The following TMEM72 variants were observed in gnomAD, a reference collection of about 807,000 sequenced individuals.
TMEM72 encodes the protein transmembrane protein 72.
TMEM72 carries 9 observed loss-of-function variants against 16.3 expected under a neutral mutation model. The ratio of observed to expected loss-of-function variants is 0.55; its 90% CI spans 0.33 to 0.96. TMEM72 has a LOEUF of 0.96. Among genes scored for constraint, TMEM72 ranks in the 40% least tolerant of loss-of-function variants. TMEM72 has a pLI of 0.03. For missense variants in TMEM72, 324 were observed against 337.8 expected, an observed-to-expected ratio of 0.96 and a Z score of 0.32; for synonymous variants, 160 against 146.5, an observed-to-expected ratio of 1.09 and a Z score of -0.66.
intron 2 of TMEM72, among the ~76,000 whole-genome samples, 153 bp downstream of exon 2, chr10:44,928,140 C>T (rs1288129771): frequency 6.6e-6 from 1 of 152,134 alleles, no homozygotes; most frequent in Non-Finnish European, 1.5e-5. Flanking sequence ...TCTAGAATAG[C>T]TCCTGGTTTG....
chr10:44,935,238 C>A lies in TMEM72; in HGVS notation c.*104C>A, dbSNP rs554227316. On this transcript the variant is annotated 3_prime_UTR_variant, in exon 5 of 5. Coordinates refer to ENST00000389583, the MANE Select transcript of TMEM72 (RefSeq NM_001123376.3). ...TCTGGTCAGCTTTTCAAGGGGTAAC[C>A]AGACACCCCCACACTGGCTGGGCCC... The A allele has an allele frequency of 2.7e-4, 315 of 1,159,636 alleles. No homozygotes were observed. Among genetic ancestry groups the A allele is most frequent in the Middle Eastern group, 2.7e-3 (9 of 3,322 alleles). The allele number at this position is 1,159,636 out of a possible 1,614,324, so 71.8% of individuals were successfully genotyped here.
intron 4 of TMEM72, 55 bp downstream of exon 4, chr10:44,933,831 G>C: frequency 6.5e-7 from 1 of 1,536,890 alleles, no homozygotes; most frequent in South Asian, 1.2e-5. Flanking sequence ...CTCTGAGCAG[G>C]AGGAGCTGAG....
chr10:44,917,035 C>T (rs2132712003), intron 1 of TMEM72, among the ~76,000 whole-genome samples: 1 of 152,262 alleles, frequency 6.6e-6, no homozygotes, highest in East Asian at 1.9e-4. Context: ...ATCCCCAGTC[C>T]TGAGTCCCCA....
At chr10:44,929,052 C>T (rs963834773) in intron 2 of TMEM72, among the ~76,000 whole-genome samples, 1 of 152,216 alleles carries the variant, frequency 6.6e-6, no homozygotes, top group Non-Finnish European at 1.5e-5. Context: ...GCATATTGGC[C>T]TAGTTTTACA....
At position 44,934,644 on chromosome 10, in the gene TMEM72, G is replaced by C. The variant is rs200442098; in HGVS notation, c.350-12G>C. The C allele has an allele frequency of 8.6e-4, 1,335 of 1,546,580 alleles. 5 individuals carry two copies. The highest frequency in any genetic ancestry group is 1.2e-3 in the South Asian group (94 of 81,446). On this transcript the variant is annotated splice_polypyrimidine_tract_variant and intron_variant, in intron 4 of 4. Coordinates refer to ENST00000389583, the MANE Select transcript of TMEM72 (RefSeq NM_001123376.3). Reference sequence around the variant, plus strand: ...GACTCCTCTAGAGCCCTGACCTCTGGCTCTTTTCCAGGCTCCATGCTCATC... The same window carrying C: ...GACTCCTCTAGAGCCCTGACCTCTGCCTCTTTTCCAGGCTCCATGCTCATC...
In TMEM72 at chr10:44,931,733, G is replaced by C. The variant is rs911215127; in HGVS notation, c.138-265G>C. On this transcript the variant is annotated intron_variant, in intron 2 of 4. Transcript: ENST00000389583. ...GGATGTGCCTGCCAGTGTCACACAG[G>C]GTGCCAGGTGAAGGCCATGTCACCT... 2.0e-5 allele frequency: 10 copies of C among 496,008 alleles called. 1 individual carries two copies. Among genetic ancestry groups the C allele is most frequent in the South Asian group, 1.9e-4 (7 of 37,186 alleles). The allele number at this position is 496,008 out of a possible 1,614,324, so 30.7% of individuals were successfully genotyped here.
intron 2 of TMEM72, among the ~76,000 whole-genome samples, chr10:44,931,231 G>A (rs779691737): frequency 1.3e-5 from 2 of 152,238 alleles, no homozygotes; most frequent in Non-Finnish European, 2.9e-5. Flanking sequence ...GAACATGGAG[G>A]ATAGGCAGTG....
chr10:44,915,774 C>G (rs566519669), intron 1 of TMEM72, among the ~76,000 whole-genome samples: 55 of 152,280 alleles, frequency 3.6e-4, no homozygotes, highest in African/African-American at 1.0e-3. Flanking sequence ...CACCGATATT[C>G]ATTGCAGCTA....
At chr10:44,934,605 C>T (rs779021637) in intron 4 of TMEM72, 51 bp from the exon 5 acceptor site, 6 of 1,493,496 alleles carry the variant, frequency 4.0e-6, no homozygotes, top group African/African-American at 2.8e-5. Flanking sequence ...GCAAGGACTC[C>T]GGATTTTTTC....
chr10:44,933,632 C>A lies in TMEM72; in HGVS notation c.210-5C>A. ...ATTATGCTAACCTGGACTCCCTCTCCCCAGGTGTCAACCAGGGTCCCTGGC... is the reference window on the plus strand; with the variant it reads ...ATTATGCTAACCTGGACTCCCTCTCACCAGGTGTCAACCAGGGTCCCTGGC... On this transcript the variant is annotated splice_polypyrimidine_tract_variant and splice_region_variant and intron_variant, in intron 3 of 4. Transcript: ENST00000389583. The A allele has an allele frequency of 1.2e-6, 2 of 1,612,194 alleles. No individual in the cohort carries two copies. The highest frequency in any genetic ancestry group is 1.7e-6 in the Non-Finnish European group (2 of 1,178,618).
intron 4 of TMEM72, among the ~76,000 whole-genome samples, chr10:44,934,238 C>T (rs905867684): frequency 1.3e-5 from 2 of 152,198 alleles, no homozygotes; most frequent in Admixed American, 6.5e-5. Context: ...GGGTGCATAC[C>T]ACTGGCCAGC....
chr10:44,917,143 G>A (rs746122540), intron 1 of TMEM72, among the ~76,000 whole-genome samples: 2 of 152,110 alleles, frequency 1.3e-5, no homozygotes, highest in Non-Finnish European at 2.9e-5. Flanking sequence ...GCACATCCGA[G>A]CACCAAGCAC....
At chr10:44,928,011 T>C (rs1200644741) in intron 2 of TMEM72, 24 bp downstream of exon 2, 1 of 1,612,232 alleles carries the variant, frequency 6.2e-7, no homozygotes, top group Non-Finnish European at 8.5e-7. Flanking sequence ...CATGTGCCAC[T>C]TTTGACCTGC....
rs751205286 is a variant in TMEM72 at position 44,927,932 on chromosome 10, G to A, written c.82G>A (p.Val28Met). 2.5e-5 allele frequency: 41 copies of A among 1,613,752 alleles called. No individual in the cohort carries two copies. Among genetic ancestry groups the A allele is most frequent in the South Asian group, 9.9e-5 (9 of 91,078 alleles). The change falls in exon 2 of 5, where the codon GTG becomes ATG. Residue 28 changes from valine to methionine, a missense_variant. By Grantham distance (21) the Val-to-Met change is conservative. Coordinates refer to ENST00000389583, the MANE Select transcript of TMEM72 (RefSeq NM_001123376.3). ...CTCTTGCCCCTTAGTGTTGATCGGC[G>A]TGGGCACTGAGACCTTCCTCCAGGG... ...GITTAAVLIG[V>M]GTETFLQGQF...
Position 44,935,315 on chromosome 10 carries a change from G to T in TMEM72, c.*181G>T. 1.7e-6 allele frequency: 1 copy of T among 571,622 alleles called. No homozygotes were observed. The highest frequency in any genetic ancestry group is 2.9e-6 in the Non-Finnish European group (1 of 340,794). The allele number at this position is 571,622 out of a possible 1,614,324, so 35.4% of individuals were successfully genotyped here. On this transcript the variant is annotated 3_prime_UTR_variant, in exon 5 of 5. Coordinates refer to ENST00000389583, the MANE Select transcript of TMEM72 (RefSeq NM_001123376.3). ...CCAGCATTTCTGGAGAGGCCTCGAG[G>T]GAGGCACAAACAAGGCTCACGCCAC...
In TMEM72 at chr10:44,935,243, AC is replaced by A; in HGVS notation, c.*114del. ...TCAGCTTTTCAAGGGGTAACCAGAC[AC>A]CCCCACACTGGCTGGGCCCCTGAGG... is the stretch of plus-strand genomic sequence containing the variant. On this transcript the variant is annotated 3_prime_UTR_variant, in exon 5 of 5. Transcript: ENST00000389583. 2 of 1,114,468 alleles carry A rather than the reference AC, an allele frequency of 1.8e-6. No homozygotes were observed. Among genetic ancestry groups the A allele is most frequent in the East Asian group, 2.6e-5 (1 of 37,886 alleles). 69.0% of individuals were successfully genotyped at this position (1,114,468 alleles called of 1,614,324 possible).
Position 44,934,910 on chromosome 10 carries a change from C to G in TMEM72, c.604C>G (p.Pro202Ala), listed in dbSNP as rs1312312327. 6.2e-7 allele frequency: 1 copy of G among 1,613,538 alleles called. No individual in the cohort carries two copies. Among genetic ancestry groups the G allele is most frequent in the African/African-American group, 1.3e-5 (1 of 74,926 alleles). ...TAAGAAGCCCAGTGCCCTCCAGCCC[C>G]CCAACACCCTGATGGAGCTGAGCCT... ...GTKKPSALQPPNTLMELSLEP... is the reference protein window; with the variant it reads ...GTKKPSALQPANTLMELSLEP... Residue 202 changes from proline (P) to alanine (A), a missense_variant, in exon 5 of 5, where the codon CCC (proline) becomes GCC (alanine). By Grantham distance (27) the Pro-to-Ala change is conservative. Coordinates refer to ENST00000389583, the MANE Select transcript of TMEM72 (RefSeq NM_001123376.3).
At chr10:44,922,965 G>T (rs905786623) in intron 1 of TMEM72, 3 of 152,236 alleles carry the variant, frequency 2.0e-5, no homozygotes, top group Non-Finnish European at 4.4e-5. Flanking sequence ...AGTTAACCTT[G>T]CATGGCTGCA....
At position 44,911,520 on chromosome 10, in the gene TMEM72, T is replaced by C. The variant is rs1003707528; in HGVS notation, c.8T>C (p.Leu3Pro). The change falls in exon 1 of 5, where the codon CTC becomes CCC. Residue 3 changes from leucine to proline, a missense_variant. Coordinates refer to ENST00000389583, the MANE Select transcript of TMEM72 (RefSeq NM_001123376.3). ...GTCCTCACCCCTGGCACCATGCAGC[T>C]CCAGGTGTTCTGGACTGGGCTGGAA... MQ[L>P]QVFWTGLEYT... is the part of the protein sequence containing the mutation. 5 of 1,551,112 alleles carry C rather than the reference T, an allele frequency of 3.2e-6. No homozygotes were observed. Among genetic ancestry groups the C allele is most frequent in the Admixed American group, 2.0e-5 (1 of 51,028 alleles).
Sources: gnomAD v4.1 joint callset for allele counts (sites outside exome capture counted in the v4.1 genomes callset) on GRCh38, gnomAD v4.1.1 for gene constraint, MANE v1.5 for transcripts, NCBI Gene and HGNC (gene_info 2026-07-23, HGNC 2026-07-21) for gene names.